Variants in PCDHA3 observed in about 807,000 individuals in gnomAD.
PCDHA3 encodes the protein protocadherin alpha-3.
Under a neutral mutation model 62.2 loss-of-function variants are expected in PCDHA3, and 41 were observed. The observed-to-expected ratio is 0.66, with a 90% CI of 0.51 to 0.86. PCDHA3 has a LOEUF of 0.86. Ranked by LOEUF, PCDHA3 falls within the 40% of genes least tolerant of loss-of-function variation. The probability of loss-of-function intolerance (pLI) is 0.00; values close to 1 mark genes in which losing one functional copy is unlikely to be tolerated. For synonymous variants in PCDHA3, 640 were observed against 555.4 expected, an observed-to-expected ratio of 1.15 and a Z score of -2.14; for missense variants, 1,304 against 1,241.2, an observed-to-expected ratio of 1.05 and a Z score of -0.76.
At chr5:140,985,690 C>G (rs752184454) in intron 3 of PCDHA3, among the ~76,000 whole-genome samples, 1 of 151,742 alleles carries the variant, frequency 6.6e-6, no homozygotes, top group Admixed American at 6.6e-5. Flanking sequence ...TACGCTAATC[C>G]TCGTTCATAT....
In PCDHA3 at chr5:140,808,600, C is replaced by T. The variant is rs150900012; in HGVS notation, c.2394+5009C>T. On this transcript the variant is annotated intron_variant, in intron 1 of 3. Transcript: ENST00000522353. ...TCGTGAAGGAGAACAACCCGCCGGGCTGCCACATCTTCACTGTGTCTGCGT... is the reference window on the plus strand; with the variant it reads ...TCGTGAAGGAGAACAACCCGCCGGGTTGCCACATCTTCACTGTGTCTGCGT... The T allele has an allele frequency of 1.4e-4, 230 of 1,613,924 alleles. 1 individual carries two copies. The African/African-American group carries it at 2.6e-3, about 19-fold the overall frequency.
intron 1 of PCDHA3, among the ~76,000 whole-genome samples, chr5:140,960,384 A>G (rs1204813293): frequency 6.6e-6 from 1 of 152,198 alleles, no homozygotes. Flanking sequence ...GTGCCAAGAC[A>G]TTAGGATGCA....
At chr5:140,961,458 G>A (rs1371131275) in intron 1 of PCDHA3, among the ~76,000 whole-genome samples, 2 of 152,150 alleles carry the variant, frequency 1.3e-5, no homozygotes, top group Non-Finnish European at 2.9e-5. Context: ...TCTTGCAGCT[G>A]CCTTTCTTTT....
chr5:140,870,286 A>C, intron 1 of PCDHA3: 1 of 1,614,124 alleles, frequency 6.2e-7, no homozygotes, highest in Non-Finnish European at 8.5e-7. Context: ...CGTTCCCTTC[A>C]AGCTGGTGTC....
At chr5:140,875,339 T>C in intron 1 of PCDHA3, 2 of 1,441,270 alleles carry the variant, frequency 1.4e-6, no homozygotes, top group Non-Finnish European at 1.8e-6. Flanking sequence ...TAGGATCGAC[T>C]CCATAATGAC....
intron 1 of PCDHA3, among the ~76,000 whole-genome samples, chr5:140,951,684 A>G (rs1392497741): frequency 3.3e-5 from 5 of 152,144 alleles, no homozygotes; most frequent in African/African-American, 1.2e-4. Flanking sequence ...GGGGATTACA[A>G]TGTGACATGA....
chr5:140,873,568 G>T (rs1319513835), intron 1 of PCDHA3, among the ~76,000 whole-genome samples: 1 of 149,090 alleles, frequency 6.7e-6, no homozygotes, highest in East Asian at 1.9e-4. Context: ...TTTCTAGTTT[G>T]GTTGTTTAAG....
rs1763134467 is a variant in PCDHA3, at chr5:140,803,170, C to T, written c.1973C>T (p.Ser658Leu). The T allele has an allele frequency of 6.2e-7, 1 of 1,613,898 alleles. No homozygotes were observed. Among genetic ancestry groups the T allele is most frequent in the Non-Finnish European group, 8.5e-7 (1 of 1,179,938 alleles). ...CTGGTGAAGGACCACGGTGAACCCT[C>T]ATTGACCGCCACGGCCACTGTGCTG... Reference protein sequence around the residue: ...LVLVKDHGEPSLTATATVLVS... With the variant: ...LVLVKDHGEPLLTATATVLVS... The change falls in exon 1 of 4, where the codon TCA becomes TTA. Residue 658 changes from serine to leucine, a missense_variant. By Grantham distance (145) the Ser-to-Leu change is moderately radical. Coordinates refer to ENST00000522353, the MANE Select transcript of PCDHA3 (RefSeq NM_018906.3).
chr5:140,848,297 T>C, intron 1 of PCDHA3: 1 of 658,484 alleles, frequency 1.5e-6, no homozygotes, highest in Non-Finnish European at 2.6e-6. Flanking sequence ...TTGGGCCACG[T>C]GATGTCACTC....
At chr5:140,981,392 G>A (rs565370456) in intron 2 of PCDHA3, among the ~76,000 whole-genome samples, 1 of 152,208 alleles carries the variant, frequency 6.6e-6, no homozygotes, top group South Asian at 2.1e-4. Context: ...TGGTCAATAT[G>A]GTGAAAACCT....
At chr5:140,873,770 C>T (rs1316613523) in intron 1 of PCDHA3, among the ~76,000 whole-genome samples, 1 of 151,400 alleles carries the variant, frequency 6.6e-6, no homozygotes, top group Non-Finnish European at 1.5e-5. Context: ...AAGCAATTCT[C>T]CTGCCTCAGC....
At chr5:140,874,427 A>T (rs2054903457) in intron 1 of PCDHA3, among the ~76,000 whole-genome samples, 1 of 152,212 alleles carries the variant, frequency 6.6e-6, no homozygotes, top group African/African-American at 2.4e-5. Context: ...TTCTGAAGAG[A>T]AGCATGTCCT....
chr5:140,893,929 T>C (rs2064240374), intron 1 of PCDHA3, among the ~76,000 whole-genome samples: 1 of 152,214 alleles, frequency 6.6e-6, no homozygotes, highest in South Asian at 2.1e-4. Flanking sequence ...TCAGAATCTC[T>C]ACCTGTTAAT....
chr5:140,942,759 G>A (rs2093365403), intron 1 of PCDHA3, among the ~76,000 whole-genome samples: 1 of 152,074 alleles, frequency 6.6e-6, no homozygotes, highest in Admixed American at 6.6e-5. Context: ...AAATGAGATG[G>A]CATAATGTAT....
chr5:140,989,775 C>G (rs1286076429), intron 3 of PCDHA3, among the ~76,000 whole-genome samples: 1 of 152,178 alleles, frequency 6.6e-6, no homozygotes, highest in Non-Finnish European at 1.5e-5. Flanking sequence ...CAAGCACTGG[C>G]TAGAGACTAG....
At chr5:140,927,795 G>A (rs781829757) in intron 1 of PCDHA3, 39 of 1,614,144 alleles carry the variant, frequency 2.4e-5, no homozygotes, top group Non-Finnish European at 3.2e-5. Context: ...CACTAGGTCC[G>A]CCTGAAACGC....
chr5:140,875,947 G>C (rs1554168112), intron 1 of PCDHA3: 1 of 1,614,184 alleles, frequency 6.2e-7, no homozygotes, highest in Admixed American at 1.7e-5. Flanking sequence ...GGGCGCTTCT[G>C]ATGCGGATAT....
At chr5:140,936,681 T>G (rs781812048) in intron 1 of PCDHA3, among the ~76,000 whole-genome samples, 3 of 152,246 alleles carry the variant, frequency 2.0e-5, no homozygotes, top group African/African-American at 2.4e-5. Flanking sequence ...CTATTCTGTT[T>G]CATTGGTCAA....
intron 1 of PCDHA3, among the ~76,000 whole-genome samples, chr5:140,976,124 C>G (rs1554237320): frequency 6.6e-6 from 1 of 152,158 alleles, no homozygotes. Flanking sequence ...CAAGTTTAAT[C>G]AAGTTCTGGA....
Sources: gnomAD v4.1 joint callset for allele counts (sites outside exome capture counted in the v4.1 genomes callset) on GRCh38, gnomAD v4.1.1 for gene constraint, MANE v1.5 for transcripts, NCBI Gene and HGNC (gene_info 2026-07-23, HGNC 2026-07-21) for gene names.